NTNG2: variants seen among roughly 807,000 people sequenced by gnomAD.
NTNG2 encodes the protein netrin-G2.
In NTNG2, 15 loss-of-function variants were observed where a neutral mutation model predicts 47.6. The ratio of observed to expected loss-of-function variants is 0.32; its 90% confidence interval spans 0.21 to 0.49. The LOEUF (loss-of-function observed/expected upper bound fraction) is 0.49, where lower values mean the gene tolerates loss of function less well. Among genes scored for constraint, NTNG2 ranks in the 20% least tolerant of loss-of-function variants. The probability of loss-of-function intolerance (pLI) is 0.99; values close to 1 mark genes in which losing one functional copy is unlikely to be tolerated. For missense variants in NTNG2, 578 were observed against 764.6 expected, an observed-to-expected ratio of 0.76 and a Z score of 2.88; for synonymous variants, 307 against 324.6, an observed-to-expected ratio of 0.95 and a Z score of 0.58.
intron 3 of NTNG2, among the ~76,000 whole-genome samples, chr9:132,214,094 G>T (rs1393276347): frequency 2.0e-5 from 3 of 152,206 alleles, no homozygotes; most frequent in South Asian, 2.1e-4. Flanking sequence ...CCCAGCTCCA[G>T]CACCATCCCT....
intron 4 of NTNG2, among the ~76,000 whole-genome samples, chr9:132,227,844 G>A (rs1840899153): frequency 6.6e-6 from 1 of 152,212 alleles, no homozygotes; most frequent in African/African-American, 2.4e-5. Flanking sequence ...AAGCCCCTGG[G>A]CTGCAAGTGG....
At chr9:132,201,432 C>T (rs571874395) in intron 3 of NTNG2, among the ~76,000 whole-genome samples, 1 of 152,348 alleles carries the variant, frequency 6.6e-6, no homozygotes, top group South Asian at 2.1e-4. Flanking sequence ...TTGGGTTAGA[C>T]GGTTCAGCGA....
rs150719334 is a variant in NTNG2 at position 132,166,979 on chromosome 9, G to A, written c.148G>A (p.Val50Ile). ...QPKVMRLKDY[V>I]KVKVEPSGIT... ...CAAGGTGATGCGCCTGAAGGACTACGTCAAGGTGAAGGTGGAGCCCTCAGG... is the reference window on the plus strand; with the variant it reads ...CAAGGTGATGCGCCTGAAGGACTACATCAAGGTGAAGGTGGAGCCCTCAGG... The change falls in exon 2 of 8, where the codon GTC (valine) becomes ATC (isoleucine). Residue 50 changes from valine to isoleucine, a missense_variant. Coordinates refer to ENST00000393229, the MANE Select transcript of NTNG2 (RefSeq NM_032536.4). 2.2e-5 allele frequency: 35 copies of A among 1,614,236 alleles called. No homozygotes were observed. The highest frequency in any genetic ancestry group is 2.9e-5 in the Non-Finnish European group (34 of 1,180,052).
chr9:132,225,813 C>T (rs1440396772), intron 3 of NTNG2, among the ~76,000 whole-genome samples: 4 of 152,088 alleles, frequency 2.6e-5, no homozygotes, highest in South Asian at 2.1e-4. Context: ...ATCCTTTTTC[C>T]GTATCAATTT....
At chr9:132,239,021 G>A (rs1285431309) in intron 5 of NTNG2, 83 bp from the exon 6 acceptor site, 4 of 1,395,324 alleles carry the variant, frequency 2.9e-6, no homozygotes, top group Non-Finnish European at 4.1e-6. Context: ...TGCATGACCT[G>A]GGGTGAGTCC....
At chr9:132,224,853 TCTTGTTTCATCTGTAC>T (rs1328155163) in intron 3 of NTNG2, among the ~76,000 whole-genome samples, 1 of 152,200 alleles carries the variant, frequency 6.6e-6, no homozygotes, top group African/African-American at 2.4e-5. Context: ...TAGTGAATCT[TCTTGTTTCATCTGTAC>T]CTCTGCCCAT....
intron 3 of NTNG2, among the ~76,000 whole-genome samples, chr9:132,202,763 G>T (rs1243276084): frequency 2.0e-5 from 3 of 152,188 alleles, no homozygotes; most frequent in Non-Finnish European, 4.4e-5. Flanking sequence ...TTAAGACAGG[G>T]TTCCCCAGCC....
chr9:132,216,327 G>A (rs1839965477), intron 3 of NTNG2, among the ~76,000 whole-genome samples: 1 of 150,632 alleles, frequency 6.6e-6, no homozygotes, highest in South Asian at 2.1e-4. Context: ...CTTGCTCAAG[G>A]TCACCTAGCC....
rs1840324398 is a variant in NTNG2, at chr9:132,221,151, G to C, written c.858-5698G>C. 6.6e-6 allele frequency among the ~76,000 whole-genome samples: 1 copy of C among 152,096 alleles called. No individual in the cohort carries two copies. The highest frequency in any genetic ancestry group is 1.5e-5 in the Non-Finnish European group (1 of 68,022). On this transcript the variant is annotated intron_variant, in intron 3 of 7. Transcript: ENST00000393229. The surrounding 1 kb of genome is among the most constrained non-coding windows in gnomAD (Gnocchi z 4.2). Reference sequence around the variant, plus strand: ...CTGATTTGAGGTAGGGGTTGTGAAAGGCCTCCCCAAAGAAGTGGCATTTGG... The same window carrying C: ...CTGATTTGAGGTAGGGGTTGTGAAACGCCTCCCCAAAGAAGTGGCATTTGG...
Position 132,218,244 on chromosome 9 carries a change from G to A in NTNG2, c.858-8605G>A, listed in dbSNP as rs192631108. 6.6e-6 allele frequency among the ~76,000 whole-genome samples: 1 copy of A among 152,308 alleles called. No individual in the cohort carries two copies. The highest frequency in any genetic ancestry group is 1.9e-4 in the East Asian group (1 of 5,172). ...ATCGAGCTGCTTGGATTCAAGTCCT[G>A]CGTCTGCCCCTTACCAGCTGTGGAA... On this transcript the variant is annotated intron_variant, in intron 3 of 7. Transcript: ENST00000393229. This position sits in a 1 kb window ranked among gnomAD's most constrained non-coding sequence, Gnocchi z 5.4.
chr9:132,217,476 G>A (rs1840068285), intron 3 of NTNG2, among the ~76,000 whole-genome samples: 1 of 152,228 alleles, frequency 6.6e-6, no homozygotes, highest in African/African-American at 2.4e-5. Flanking sequence ...TTCACCAGCT[G>A]TGTGGCCTTG....
At chr9:132,179,073 A>G (rs1373186037) in intron 2 of NTNG2, among the ~76,000 whole-genome samples, 4 of 151,866 alleles carry the variant, frequency 2.6e-5, no homozygotes, top group Admixed American at 2.6e-4. Context: ...GCCCCCCATG[A>G]GGAGCTTCAG....
At chr9:132,237,696 G>A (rs1351259126) in intron 5 of NTNG2, among the ~76,000 whole-genome samples, 1 of 152,210 alleles carries the variant, frequency 6.6e-6, no homozygotes, top group Non-Finnish European at 1.5e-5. Flanking sequence ...CCTCCCCAAG[G>A]GAGCTGGGAG....
chr9:132,230,521 C>T (rs1387680538), intron 4 of NTNG2, 51 bp from the exon 5 acceptor site: 1 of 1,566,292 alleles, frequency 6.4e-7, no homozygotes. Context: ...GAGGTGACAC[C>T]CAGGCCCCTT....
intron 2 of NTNG2, among the ~76,000 whole-genome samples, chr9:132,172,514 T>C (rs985603867): frequency 2.0e-5 from 3 of 152,310 alleles, no homozygotes; most frequent in African/African-American, 7.2e-5. Context: ...TGCTGGCTGT[T>C]GGGACCAATT....
chr9:132,241,173 G>A (rs557604779), intron 7 of NTNG2, 129 bp downstream of exon 7: 4 of 1,215,098 alleles, frequency 3.3e-6, no homozygotes, highest in South Asian at 1.6e-5. Context: ...GGGCAGGGCC[G>A]GGGAAGTGGG....
Position 132,187,157 on chromosome 9 carries a change from C to T in NTNG2, c.214-10809C>T, listed in dbSNP as rs140215157. On this transcript the variant is annotated intron_variant, in intron 2 of 7. Transcript: ENST00000393229. ...TGCCCAGGCCATGCCCACTGTGGCC[C>T]CCCTGGGGGAGGAGCAGGGGCGGTC... 7.0e-3 allele frequency among the ~76,000 whole-genome samples: 1,073 copies of T among 152,358 alleles called. 15 individuals carry two copies. Among genetic ancestry groups the T allele is most frequent in the African/African-American group, 0.025 (1,022 of 41,580 alleles).
chr9:132,226,976 C>T lies in NTNG2; in HGVS notation c.985C>T (p.Arg329Trp), dbSNP rs776635613. 6 of 1,610,682 alleles carry T rather than the reference C, an allele frequency of 3.7e-6. No individual in the cohort carries two copies. The highest frequency in any genetic ancestry group is 1.7e-5 in the Admixed American group (1 of 59,946). The change falls in exon 4 of 8, where the codon CGG (arginine) becomes TGG (tryptophan). Residue 329 changes from arginine to tryptophan, a missense_variant. By Grantham distance (101) the Arg-to-Trp change is moderately radical. Transcript: ENST00000393229. The surrounding 1 kb of genome is among the most constrained non-coding windows in gnomAD (Gnocchi z 4.8). Reference protein sequence around the residue: ...CKKNFRTRSWRAGSYLPLPHG... With the variant: ...CKKNFRTRSWWAGSYLPLPHG... ...GAAGAATTTCCGCACCCGGTCCTGG[C>T]GGGCCGGCTCCTACCTGCCGCTGCC...
intron 2 of NTNG2, among the ~76,000 whole-genome samples, chr9:132,185,618 C>T (rs1304880311): frequency 6.6e-6 from 1 of 152,086 alleles, no homozygotes; most frequent in African/African-American, 2.4e-5. Context: ...CCGGATGTAG[C>T]CCTCTTCCTC....
Sources: allele counts gnomAD v4.1 joint callset (sites outside exome capture counted in the v4.1 genomes callset), GRCh38; gene constraint gnomAD v4.1.1; non-coding constraint Gnocchi (gnomAD v3.1); transcripts MANE v1.5; gene names NCBI Gene and HGNC (gene_info 2026-07-23, HGNC 2026-07-21).